UBE2D3: variants seen among roughly 807,000 people sequenced by gnomAD.
UBE2D3 encodes ubiquitin-conjugating enzyme E2 D3.
UBE2D3 carries 2 observed loss-of-function variants against 22.8 expected under a neutral mutation model. The observed-to-expected ratio is 0.09, with a 90% CI of 0.04 to 0.28. UBE2D3 has a LOEUF of 0.28. Ranked by LOEUF, UBE2D3 falls within the 10% of genes least tolerant of loss-of-function variation. The pLI is 1.00. For synonymous variants in UBE2D3, 56 were observed against 60.4 expected (o/e 0.93, Z 0.34); for missense variants, 27 against 182.5 (o/e 0.15, Z 4.91).
At chr4:102,841,116 T>G (rs939255762) in intron 1 of UBE2D3, among the ~76,000 whole-genome samples, 5 of 152,142 alleles carry the variant, frequency 3.3e-5, no homozygotes, top group Non-Finnish European at 5.9e-5. Context: ...GTAACTTGTT[T>G]ACCAATAAAT....
At position 102,794,713 on chromosome 4, in the gene UBE2D3, AGTT is replaced by A. The variant is rs1264571500; in HGVS notation, c.*2699_*2701del. 1.3e-5 allele frequency: 2 copies of A among 152,094 alleles called. No individual in the cohort carries two copies. Among genetic ancestry groups the A allele is most frequent in the Non-Finnish European group, 2.9e-5 (2 of 67,962 alleles). 9.4% of individuals were successfully genotyped at this position (152,094 alleles called of 1,614,324 possible). ...GTGTTTCACTACCCCTGAGACCACTAGTTAACTGTGGTTCATACTTTAAAATGT... is the reference window on the plus strand; with the variant it reads ...GTGTTTCACTACCCCTGAGACCACTAAACTGTGGTTCATACTTTAAAATGT... On this transcript the variant is annotated 3_prime_UTR_variant, in exon 8 of 8. Transcript: ENST00000453744.
chr4:102,853,135 ATT>A (rs151339235), intron 1 of UBE2D3, among the ~76,000 whole-genome samples: 11 of 88,602 alleles, frequency 1.2e-4, no homozygotes, highest in South Asian at 3.8e-4. Flanking sequence ...AAACACACAC[ATT>A]TTTTTTTTTT....
intron 2 of UBE2D3, among the ~76,000 whole-genome samples, chr4:102,817,515 C>G (rs114106096): frequency 0.01 from 1,558 of 152,174 alleles, 34 homozygotes; most frequent in African/African-American, 0.035. Flanking sequence ...AGTGTACCTA[C>G]TAACAACTTA....
chr4:102,857,766 T>A (rs989124332), intron 1 of UBE2D3, among the ~76,000 whole-genome samples: 2 of 152,216 alleles, frequency 1.3e-5, no homozygotes, highest in African/African-American at 4.8e-5. Flanking sequence ...CGATCTCAGC[T>A]TATTACAACC....
intron 2 of UBE2D3, among the ~76,000 whole-genome samples, chr4:102,818,345 C>T (rs1303312682): frequency 1.3e-5 from 2 of 152,224 alleles, no homozygotes; most frequent in Admixed American, 6.5e-5. Context: ...TGAGCTGCTT[C>T]TCCTCAAACT....
chr4:102,826,378 C>G, intron 2 of UBE2D3, 107 bp downstream of exon 2: 1 of 1,387,940 alleles, frequency 7.2e-7, no homozygotes, highest in Non-Finnish European at 1.0e-6. Context: ...AAGAAGTGAT[C>G]CAAGAGGTAT....
chr4:102,829,586 A>G (rs969970899), upstream of UBE2D3, among the ~76,000 whole-genome samples: 7 of 152,226 alleles, frequency 4.6e-5, no homozygotes, highest in Non-Finnish European at 1.0e-4. Flanking sequence ...GAGACTCTAC[A>G]GTGCTGTATA....
chr4:102,868,864 C>T, exon 1 of UBE2D3: 2 of 1,521,610 alleles, frequency 1.3e-6, no homozygotes, highest in Non-Finnish European at 1.8e-6. Context: ...GCCTCGCTAC[C>T]CGCCAGTTCC....
intron 1 of UBE2D3, among the ~76,000 whole-genome samples, chr4:102,853,544 A>G (rs1732482065): frequency 6.6e-6 from 1 of 152,160 alleles, no homozygotes; most frequent in South Asian, 2.1e-4. Context: ...TAATTCTAAG[A>G]TATATTGTAA....
At chr4:102,862,015 T>C (rs1223324796) in intron 1 of UBE2D3, among the ~76,000 whole-genome samples, 2 of 152,000 alleles carry the variant, frequency 1.3e-5, no homozygotes, top group African/African-American at 4.8e-5. Flanking sequence ...ACTCCTGGCC[T>C]GAGGTGATCC....
intron 2 of UBE2D3, among the ~76,000 whole-genome samples, chr4:102,821,592 C>T (rs577566316): frequency 7.6e-6 from 1 of 131,658 alleles, no homozygotes; most frequent in Admixed American, 7.9e-5. Context: ...AAGTCTAAGA[C>T]CCCCATGCAG....
chr4:102,824,317 A>G (rs1260067337), intron 2 of UBE2D3, among the ~76,000 whole-genome samples: 1 of 152,240 alleles, frequency 6.6e-6, no homozygotes, highest in African/African-American at 2.4e-5. Context: ...AAAATTATAA[A>G]TTGTGATATT....
At chr4:102,848,679 T>C (rs1449835380) in intron 1 of UBE2D3, among the ~76,000 whole-genome samples, 1 of 151,532 alleles carries the variant, frequency 6.6e-6, no homozygotes, top group East Asian at 1.9e-4. Flanking sequence ...ATAGGCTGGG[T>C]ATGGTAGTGC....
In UBE2D3 at chr4:102,799,306, A is replaced by G. The variant is rs191754623; in HGVS notation, c.398+101T>C. Reference sequence around the variant, plus strand: ...TAGCTTTCTCCATATTTTAACTATTATCTTACTAAATATCAAGTCTTCTTG... The same window carrying G: ...TAGCTTTCTCCATATTTTAACTATTGTCTTACTAAATATCAAGTCTTCTTG... On this transcript the variant is annotated intron_variant, in intron 7 of 7. Coordinates refer to ENST00000453744, the MANE Select transcript of UBE2D3 (RefSeq NM_181891.3). 3.4e-6 allele frequency: 3 copies of G among 893,636 alleles called. No homozygotes were observed. The East Asian group carries it at 7.9e-5, about 24-fold the overall frequency. The allele number at this position is 893,636 out of a possible 1,614,324, so 55.4% of individuals were successfully genotyped here.
At chr4:102,798,842 T>C (rs1380716123) in intron 7 of UBE2D3, 1 of 1,245,292 alleles carries the variant, frequency 8.0e-7, no homozygotes, top group African/African-American at 1.5e-5. Context: ...TTACCTTTTG[T>C]TAGTTAATAC....
chr4:102,866,309 T>C (rs1733143311), intron 1 of UBE2D3, among the ~76,000 whole-genome samples: 1 of 152,148 alleles, frequency 6.6e-6, no homozygotes, highest in Non-Finnish European at 1.5e-5. Context: ...TACTTGAAAA[T>C]AGCAAACCAG....
chr4:102,797,352 A>AG lies in UBE2D3; in HGVS notation c.*62_*63insC, dbSNP rs1725371222. 7.1e-7 allele frequency: 1 copy of AG among 1,415,310 alleles called. No individual in the cohort carries two copies. The highest frequency in any genetic ancestry group is 2.1e-5 in the Admixed American group (1 of 46,696). 87.7% of individuals were successfully genotyped at this position (1,415,310 alleles called of 1,614,324 possible). On this transcript the variant is annotated 3_prime_UTR_variant, in exon 8 of 8. Coordinates refer to ENST00000453744, the MANE Select transcript of UBE2D3 (RefSeq NM_181891.3). The stretch of plus-strand genomic sequence containing the variant: ...GAGCAGCCGGATAAGAAAATCAAAA[A>AG]AGGAACAGTAATTTAAAGTTTATTC...
intron 2 of UBE2D3, among the ~76,000 whole-genome samples, chr4:102,820,346 A>C (rs1307659424): frequency 6.6e-6 from 1 of 152,228 alleles, no homozygotes; most frequent in Non-Finnish European, 1.5e-5. Context: ...GCTTGGCAAA[A>C]AGATATGAAC....
At chr4:102,814,846 C>T (rs1728570402) in intron 2 of UBE2D3, among the ~76,000 whole-genome samples, 1 of 152,034 alleles carries the variant, frequency 6.6e-6, no homozygotes, top group South Asian at 2.1e-4. Flanking sequence ...AAATTTTTGA[C>T]CTATGTGATA....
Sources: gnomAD v4.1 joint callset for allele counts (sites outside exome capture counted in the v4.1 genomes callset) on GRCh38, gnomAD v4.1.1 for gene constraint, MANE v1.5 for transcripts, NCBI Gene and HGNC (gene_info 2026-07-23, HGNC 2026-07-21) for gene names.